Variants in DSCAM observed in about 807,000 individuals in gnomAD.
DSCAM encodes the protein DS cell adhesion molecule.
Under a neutral mutation model 217.7 loss-of-function variants are expected in DSCAM, and 47 were observed. The observed-to-expected ratio is 0.22, with a 90% CI of 0.17 to 0.28. DSCAM has a LOEUF of 0.28. DSCAM is among the 10% of genes least tolerant of loss of function. The pLI is 1.00. For synonymous variants in DSCAM, 1,056 were observed against 1,015.3 expected (o/e 1.04, Z -0.76); for missense variants, 2,080 against 2,618.3 (o/e 0.79, Z 4.49).
intron 3 of DSCAM, among the ~76,000 whole-genome samples, chr21:40,635,514 A>T (rs1568952204): frequency 6.6e-6 from 1 of 152,222 alleles, no homozygotes; most frequent in Admixed American, 6.5e-5. Context: ...TTGGCAGCAC[A>T]GGCCTGGAGA....
intron 11 of DSCAM, among the ~76,000 whole-genome samples, chr21:40,197,718 T>C (rs2091028157): frequency 1.3e-5 from 2 of 152,152 alleles, no homozygotes; most frequent in Non-Finnish European, 2.9e-5. Flanking sequence ...TGTCCTTCTG[T>C]CCTTTCACGT....
chr21:40,561,210 T>G (rs954028982), intron 3 of DSCAM, among the ~76,000 whole-genome samples: 1 of 152,152 alleles, frequency 6.6e-6, no homozygotes, highest in African/African-American at 2.4e-5. Context: ...ACTACAGGTG[T>G]GGTAACAGTG....
intron 1 of DSCAM, among the ~76,000 whole-genome samples, chr21:40,845,184 T>A (rs2092134273): frequency 6.6e-6 from 1 of 152,256 alleles, no homozygotes; most frequent in South Asian, 2.1e-4. Context: ...TTGTTGCAAT[T>A]CTTTCCTGCT....
At chr21:40,246,016 C>G (rs1601479953) in intron 11 of DSCAM, among the ~76,000 whole-genome samples, 1 of 152,110 alleles carries the variant, frequency 6.6e-6, no homozygotes, top group Non-Finnish European at 1.5e-5. Flanking sequence ...CTGCTTTCCT[C>G]AGGCCTTTTC....
chr21:40,358,841 A>G (rs988146142), intron 4 of DSCAM, among the ~76,000 whole-genome samples: 3 of 152,000 alleles, frequency 2.0e-5, no homozygotes, highest in African/African-American at 7.2e-5. Flanking sequence ...AGCATTTTCA[A>G]AGGCACCATT....
Position 40,542,983 on chromosome 21 carries a change from G to A in DSCAM, c.508+149827C>T, listed in dbSNP as rs146356495. 8.6e-3 allele frequency among the ~76,000 whole-genome samples: 1,308 copies of A among 152,124 alleles called. 22 individuals carry two copies. The highest frequency in any genetic ancestry group is 0.029 in the African/African-American group (1,212 of 41,482). On this transcript the variant is annotated intron_variant, in intron 3 of 32. Transcript: ENST00000400454. ...TCTGCGGTGGTGCTGATCACACTGT[G>A]TGGCATTTCCCTGAAGACAATATAT...
Position 40,431,209 on chromosome 21 carries a change from T to C in DSCAM, c.509-61964A>G, listed in dbSNP as rs569224668. 2.6e-4 allele frequency among the ~76,000 whole-genome samples: 39 copies of C among 152,350 alleles called. No individual in the cohort carries two copies. In the South Asian group the frequency reaches 6.8e-3, roughly 27 times the overall value. ...AATCTCATGTAATGGGGTGTACAACTGGCCCCTGAACAACCCAAGTTTCTG... is the reference window on the plus strand; with the variant it reads ...AATCTCATGTAATGGGGTGTACAACCGGCCCCTGAACAACCCAAGTTTCTG... On this transcript the variant is annotated intron_variant, in intron 3 of 32. Coordinates refer to ENST00000400454, the MANE Select transcript of DSCAM (RefSeq NM_001389.5).
intron 1 of DSCAM, among the ~76,000 whole-genome samples, chr21:40,798,527 G>A (rs1273423736): frequency 6.6e-6 from 1 of 152,004 alleles, no homozygotes; most frequent in Non-Finnish European, 1.5e-5. Context: ...AAAGAAATGA[G>A]CAAAGCACAT....
intron 3 of DSCAM, among the ~76,000 whole-genome samples, chr21:40,639,600 G>A (rs571932450): frequency 1.3e-5 from 2 of 152,034 alleles, no homozygotes; most frequent in African/African-American, 4.8e-5. Context: ...ATTTAAAATG[G>A]TATCTATTTT....
chr21:40,329,322 T>C (rs555317822), intron 8 of DSCAM, among the ~76,000 whole-genome samples: 1 of 152,168 alleles, frequency 6.6e-6, no homozygotes, highest in East Asian at 1.9e-4. Flanking sequence ...TACACAATGG[T>C]TGCCAAAAAA....
chr21:40,734,313 G>A (rs1273959508), intron 1 of DSCAM, among the ~76,000 whole-genome samples: 1 of 152,134 alleles, frequency 6.6e-6, no homozygotes, highest in Non-Finnish European at 1.5e-5. Context: ...TAAGAAAAGG[G>A]GCACGCTGCT....
In DSCAM at chr21:40,338,266, T is replaced by G; in HGVS notation, c.1618A>C (p.Asn540His). Reference sequence around the variant, plus strand: ...TGGTTGAAAGGAAGCAGGTTAGAGTTCTTGTACCATTTAATGGAGTAATAC... The same window carrying G: ...TGGTTGAAAGGAAGCAGGTTAGAGTGCTTGTACCATTTAATGGAGTAATAC... ...YPYYSIKWYK[N>H]SNLLPFNHRQ... Residue 540 changes from asparagine to histidine, a missense_variant, in exon 8 of 33, where the codon AAC becomes CAC. Coordinates refer to ENST00000400454, the MANE Select transcript of DSCAM (RefSeq NM_001389.5). 1 of 1,614,218 alleles carries G rather than the reference T, an allele frequency of 6.2e-7. No homozygotes were observed. The highest frequency in any genetic ancestry group is 8.5e-7 in the Non-Finnish European group (1 of 1,180,032).
chr21:40,798,674 A>G (rs2091712797), intron 1 of DSCAM, among the ~76,000 whole-genome samples: 1 of 152,088 alleles, frequency 6.6e-6, no homozygotes, highest in African/African-American at 2.4e-5. Context: ...ATGTGAAGAA[A>G]ATGTTCATGA....
intron 20 of DSCAM, among the ~76,000 whole-genome samples, chr21:40,123,733 C>T (rs16999332): frequency 0.02 from 2,772 of 135,918 alleles, 80 homozygotes; most frequent in African/African-American, 0.063. Flanking sequence ...ATTCTTTTCC[C>T]TGTGAGAGAT....
At chr21:40,640,953 A>G (rs12626937) in intron 3 of DSCAM, among the ~76,000 whole-genome samples, 1 of 152,144 alleles carries the variant, frequency 6.6e-6, no homozygotes, top group East Asian at 1.9e-4. Context: ...AATTATTCCT[A>G]CTTTCGGAAA....
At chr21:40,839,840 A>T (rs2092085984) in intron 1 of DSCAM, among the ~76,000 whole-genome samples, 2 of 152,172 alleles carry the variant, frequency 1.3e-5, no homozygotes, top group African/African-American at 4.8e-5. Context: ...TAAAAAAAAT[A>T]ACTAGGGATA....
Position 40,496,583 on chromosome 21 carries a change from T to C in DSCAM, c.509-127338A>G, listed in dbSNP as rs1295669395. ...TAAATACAGGGGAAAGGCTCCATAA[T>C]ATTGATCTTGGCAATGAATTTAGTA... On this transcript the variant is annotated intron_variant, in intron 3 of 32. Coordinates refer to ENST00000400454, the MANE Select transcript of DSCAM (RefSeq NM_001389.5). Among the ~76,000 whole-genome samples, 8 of 152,100 alleles carry C rather than the reference T, an allele frequency of 5.3e-5. No homozygotes were observed. In the East Asian group the frequency reaches 1.2e-3, roughly 22 times the overall value.
intron 1 of DSCAM, among the ~76,000 whole-genome samples, chr21:40,779,670 T>C (rs1441573165): frequency 6.6e-6 from 1 of 152,112 alleles, no homozygotes; most frequent in Non-Finnish European, 1.5e-5. Context: ...GGTGAGTTGA[T>C]GGGAGGTGAC....
chr21:40,187,969 C>T lies in DSCAM; in HGVS notation c.2572G>A (p.Glu858Lys). Residue 858 changes from glutamate to lysine, a missense_variant, in exon 13 of 33, where the codon GAA (glutamate) becomes AAA (lysine). By Grantham distance (56) the Glu-to-Lys change is moderately conservative (BLOSUM62 1). Around this residue, in one of 5 missense-constraint regions of DSCAM, gnomAD observed 1,144 missense variants for 1,421.1 expected, o/e 0.81. Coordinates refer to ENST00000400454, the MANE Select transcript of DSCAM (RefSeq NM_001389.5). The part of the protein sequence containing the change: ...STLQILPTVR[E>K]DSGFFSCHAI... ...TGGCAGGAAAAGAAACCAGAATCTT[C>T]TCTCACAGTTGGCAAAATCTATGTG... 6.2e-7 allele frequency: 1 copy of T among 1,613,918 alleles called. No homozygotes were observed. The highest frequency in any genetic ancestry group is 8.5e-7 in the Non-Finnish European group (1 of 1,179,944).
Sources: gnomAD v4.1 joint callset for allele counts (sites outside exome capture counted in the v4.1 genomes callset) on GRCh38, gnomAD v4.1.1 for gene constraint, gnomAD v4.1.1 regional missense constraint, MANE v1.5 for transcripts, NCBI Gene and HGNC (gene_info 2026-07-23, HGNC 2026-07-21) for gene names.